NTM: variants seen among roughly 807,000 people sequenced by gnomAD.
The protein encoded by NTM is IgLON family member 2.
A neutral mutation model predicts 42.1 loss-of-function variants in NTM; 13 were observed. The observed-to-expected ratio is 0.31, with a 90% CI of 0.20 to 0.49. NTM has a LOEUF of 0.49. NTM is among the 20% of genes least tolerant of loss of function. The pLI is 0.99. For missense variants in NTM, 373 were observed against 452.8 expected (o/e 0.82, Z 1.60); for synonymous variants, 187 against 179.2 (o/e 1.04, Z -0.35).
chr11:132,275,704 A>ATATATATATGTATATATATACG (rs1555060046), intron 4 of NTM, among the ~76,000 whole-genome samples: 1 of 126,684 alleles, frequency 7.9e-6, no homozygotes, highest in Non-Finnish European at 1.7e-5. Context: ...ATATATATGT[A>ATATATATATGTATATATATACG]TATATATATG....
At chr11:131,868,300 T>C (rs2047430258) in intron 1 of NTM, among the ~76,000 whole-genome samples, 1 of 152,236 alleles carries the variant, frequency 6.6e-6, no homozygotes, top group South Asian at 2.1e-4. Context: ...GTCTTTCGTA[T>C]CAAAACCTCC....
intron 4 of NTM, among the ~76,000 whole-genome samples, chr11:132,224,129 C>T (rs1446331149): frequency 6.6e-6 from 1 of 152,188 alleles, no homozygotes; most frequent in Non-Finnish European, 1.5e-5. Context: ...GAAAAGGTCT[C>T]CACTTGAGGA....
intron 1 of NTM, among the ~76,000 whole-genome samples, chr11:131,550,848 C>A (rs1246549399): frequency 2.0e-5 from 3 of 151,986 alleles, no homozygotes; most frequent in Non-Finnish European, 4.4e-5. Flanking sequence ...TAAAAAAATA[C>A]CCTCAAAAAA....
chr11:131,695,728 G>T (rs950304371), intron 1 of NTM, among the ~76,000 whole-genome samples: 1 of 152,154 alleles, frequency 6.6e-6, no homozygotes, highest in Non-Finnish European at 1.5e-5. Context: ...GAAAGATTGA[G>T]CATTTATTGT....
chr11:131,833,133 C>A (rs149364008), intron 1 of NTM, among the ~76,000 whole-genome samples: 1 of 152,178 alleles, frequency 6.6e-6, no homozygotes, highest in Non-Finnish European at 1.5e-5. Context: ...ATCGTTCTGA[C>A]CACATATTTT....
chr11:131,510,379 C>T (rs1203726543), intron 1 of NTM, among the ~76,000 whole-genome samples: 1 of 152,188 alleles, frequency 6.6e-6, no homozygotes, highest in Non-Finnish European at 1.5e-5. Context: ...CAGTAAAGTA[C>T]CTCTGTCTGT....
intron 4 of NTM, among the ~76,000 whole-genome samples, chr11:132,290,837 G>A (rs534674341): frequency 9.4e-4 from 143 of 152,278 alleles, no homozygotes; most frequent in African/African-American, 3.3e-3. Flanking sequence ...ATTCTTATAC[G>A]AGCTGAACTT....
intron 1 of NTM, among the ~76,000 whole-genome samples, chr11:131,492,101 T>C (rs1041272296): frequency 6.6e-6 from 1 of 152,196 alleles, no homozygotes; most frequent in African/African-American, 2.4e-5. Context: ...TGGGGTTCCA[T>C]GAGTCCATCT....
At chr11:131,461,130 A>C (rs1951335430) in intron 1 of NTM, among the ~76,000 whole-genome samples, 1 of 152,234 alleles carries the variant, frequency 6.6e-6, no homozygotes, top group Non-Finnish European at 1.5e-5. Flanking sequence ...CTTGCTCTAC[A>C]TCTGAGAGAG....
intron 2 of NTM, among the ~76,000 whole-genome samples, chr11:131,939,110 C>T (rs915752969): frequency 6.6e-6 from 1 of 152,006 alleles, no homozygotes; most frequent in Admixed American, 6.6e-5. Flanking sequence ...GTAAAATCAC[C>T]AAGATAAGGA....
rs1444860886 is a variant in NTM, at chr11:131,821,027, T to TG, written c.83-90537_83-90536insG. On this transcript the variant is annotated intron_variant, in intron 1 of 8. Transcript: ENST00000683400. ...TAACACCAAGATGCCTCCAAAGGGT[T>TG]TTTTTTTTTTTCTAATTATGTAATA... is the stretch of plus-strand genomic sequence containing the variant. Among the ~76,000 whole-genome samples the TG allele has an allele frequency of 2.7e-5, 4 of 149,532 alleles. No individual in the cohort carries two copies. The East Asian group carries it at 7.8e-4, about 29-fold the overall frequency.
intron 1 of NTM, chr11:131,502,676 A>C (rs1002601114): frequency 6.6e-6 from 1 of 152,190 alleles, no homozygotes; most frequent in Non-Finnish European, 1.5e-5. Flanking sequence ...CATGTCAGGC[A>C]TTTGCTTGTT....
chr11:131,908,400 C>T (rs1339752257), intron 1 of NTM, among the ~76,000 whole-genome samples: 1 of 152,116 alleles, frequency 6.6e-6, no homozygotes, highest in Admixed American at 6.5e-5. Context: ...TATCCATATC[C>T]CTAGATGCAA....
chr11:131,609,181 G>T (rs1401431195), intron 1 of NTM, among the ~76,000 whole-genome samples: 1 of 152,218 alleles, frequency 6.6e-6, no homozygotes, highest in Non-Finnish European at 1.5e-5. Context: ...CTGTGCTCTG[G>T]ATGGGAGAGA....
intron 1 of NTM, among the ~76,000 whole-genome samples, chr11:131,701,681 G>A (rs1260404319): frequency 6.6e-6 from 1 of 152,082 alleles, no homozygotes; most frequent in Non-Finnish European, 1.5e-5. Context: ...AGCAAGTAGT[G>A]GGCTCCTTAA....
At chr11:131,428,405 T>C (rs1036895196) in intron 1 of NTM, among the ~76,000 whole-genome samples, 1 of 152,208 alleles carries the variant, frequency 6.6e-6, no homozygotes, top group Non-Finnish European at 1.5e-5. Context: ...ACTTCTTGAT[T>C]TATCTACATA....
At chr11:131,855,234 G>A (rs890951899) in intron 1 of NTM, among the ~76,000 whole-genome samples, 34 of 152,210 alleles carry the variant, frequency 2.2e-4, no homozygotes, top group Non-Finnish European at 1.0e-4. Context: ...ACTCCAAGAC[G>A]TGATTGAGAC....
intron 1 of NTM, among the ~76,000 whole-genome samples, chr11:131,891,362 C>T (rs989113192): frequency 1.3e-5 from 2 of 151,988 alleles, no homozygotes; most frequent in East Asian, 1.9e-4. Context: ...TGACAGAGAT[C>T]GAGATGAGGT....
chr11:131,403,678 G>A (rs76136967), intron 1 of NTM, among the ~76,000 whole-genome samples: 279 of 152,202 alleles, frequency 1.8e-3, no homozygotes, highest in African/African-American at 6.2e-3. Flanking sequence ...CATCTAATTC[G>A]TATCTTCTCC....
Sources: allele counts gnomAD v4.1 joint callset (sites outside exome capture counted in the v4.1 genomes callset), GRCh38; gene constraint gnomAD v4.1.1; transcripts MANE v1.5; gene names NCBI Gene and HGNC (gene_info 2026-07-23, HGNC 2026-07-21).